The following ANK2 variants were observed in gnomAD, a reference collection of about 807,000 sequenced individuals.
ANK2 encodes the protein ankyrin-2.
ANK2 carries 83 observed loss-of-function variants against 360.5 expected under a neutral mutation model. The ratio of observed to expected loss-of-function variants is 0.23; its 90% CI spans 0.19 to 0.28. The LOEUF is 0.28. ANK2 is among the 10% of genes least tolerant of loss of function. The pLI, the probability that ANK2 is intolerant of heterozygous loss-of-function variation, is 1.00. For missense variants in ANK2, 4,201 were observed against 4,795.7 expected (o/e 0.88, Z 3.66); for synonymous variants, 1,740 against 1,759.5 (o/e 0.99, Z 0.28).
intron 2 of ANK2, among the ~76,000 whole-genome samples, chr4:112,913,880 C>G (rs939841228): frequency 1.3e-5 from 2 of 152,158 alleles, no homozygotes; most frequent in African/African-American, 4.8e-5. Flanking sequence ...TATTTTTTCT[C>G]TATATATTTT....
At chr4:112,705,960 G>A in the ANK2 span, among the ~76,000 whole-genome samples, 2 of 151,224 alleles carry the variant, frequency 1.3e-5, no homozygotes, top group Non-Finnish European at 3.0e-5. Flanking sequence ...GAGGGACTTC[G>A]GCTGGGCGAG....
Position 113,258,411 on chromosome 4 carries a change from T to G in ANK2, c.1386T>G (p.Ile462Met), listed in dbSNP as rs956938799. 1 of 1,612,632 alleles carries G rather than the reference T, an allele frequency of 6.2e-7. No homozygotes were observed. Among genetic ancestry groups the G allele is most frequent in the Admixed American group, 1.7e-5 (1 of 60,006 alleles). The change falls in exon 13 of 46, where the codon ATT becomes ATG. Residue 462 changes from isoleucine to methionine, a missense_variant and splice_region_variant. Ile to Met is a conservative substitution (Grantham distance 10). Coordinates refer to ENST00000357077, the MANE Select transcript of ANK2 (RefSeq NM_001148.6). Reference protein sequence around the residue: ...QNGASPDVTNIRGETALHMAA... With the variant: ...QNGASPDVTNMRGETALHMAA... ...GAGCCTCTCCAGATGTCACTAACAT[T>G]GTGAGTATGGCTTGGGTCAGAATAA...
the ANK2 span, among the ~76,000 whole-genome samples, chr4:112,764,764 A>G: frequency 6.7e-6 from 1 of 148,910 alleles, no homozygotes. Context: ...CTGGAGTGCA[A>G]TGGTACGATC....
chr4:113,336,315 C>G, intron 30 of ANK2: 1 of 568,328 alleles, frequency 1.8e-6, no homozygotes, highest in East Asian at 3.0e-5. Flanking sequence ...AAGAAATTAG[C>G]TTTTAAATGA....
At chr4:112,771,474 A>G in the ANK2 span, among the ~76,000 whole-genome samples, 1 of 152,210 alleles carries the variant, frequency 6.6e-6, no homozygotes, top group Non-Finnish European at 1.5e-5. Context: ...AATGAAGACC[A>G]AAAGAAATAA....
chr4:113,363,344 C>G lies in ANK2; in HGVS notation c.10763C>G (p.Ala3588Gly). ...DHLGFSWTEL[A>G]RELDFTEEQI... ...GTAGTATTTTATCTTCTAGAATTAG[C>G]AAGAGAACTGGATTTCACTGAGGAG... Residue 3588 changes from alanine (A) to glycine (G), a missense_variant, in exon 40 of 46, where the codon GCA becomes GGA. Physicochemically the swap from Ala to Gly is moderately conservative, Grantham distance 60. Transcript: ENST00000357077. The G allele has an allele frequency of 1.2e-6, 2 of 1,612,970 alleles. No individual in the cohort carries two copies. Among genetic ancestry groups the G allele is most frequent in the Non-Finnish European group, 1.7e-6 (2 of 1,179,378 alleles).
intron 1 of ANK2, among the ~76,000 whole-genome samples, chr4:113,129,974 T>G (rs967657651): frequency 1.3e-5 from 2 of 152,192 alleles, no homozygotes; most frequent in African/African-American, 4.8e-5. Context: ...TAACTTTATT[T>G]AGTTTGAATT....
intron 26 of ANK2, among the ~76,000 whole-genome samples, chr4:113,326,039 T>C (rs2089637357): frequency 6.6e-6 from 1 of 152,222 alleles, no homozygotes; most frequent in Non-Finnish European, 1.5e-5. Context: ...AAAATCACAT[T>C]GATTCAGTCA....
intron 13 of ANK2, among the ~76,000 whole-genome samples, chr4:113,259,716 G>A (rs546086399): frequency 1.7e-4 from 25 of 150,592 alleles, no homozygotes; most frequent in Non-Finnish European, 2.7e-4. Context: ...ATTTCACAAT[G>A]TGCCAACATA....
intron 26 of ANK2, among the ~76,000 whole-genome samples, chr4:113,326,962 C>T (rs1240651007): frequency 6.6e-6 from 1 of 152,142 alleles, no homozygotes; most frequent in Non-Finnish European, 1.5e-5. Flanking sequence ...TATGATAGCA[C>T]CACTACACTC....
intron 2 of ANK2, among the ~76,000 whole-genome samples, chr4:112,992,772 A>C (rs966138968): frequency 6.6e-6 from 1 of 152,158 alleles, no homozygotes; most frequent in Admixed American, 6.5e-5. Flanking sequence ...TCCATCTCCA[A>C]ATACCATCAC....
chr4:113,057,322 A>G lies in ANK2; in HGVS notation c.84+7510A>G, dbSNP rs145654451. On this transcript the variant is annotated intron_variant, in intron 1 of 45. Transcript: ENST00000357077. Reference sequence around the variant, plus strand: ...TAATTTTGTTAGAAGAGTAAACCCTATGAGTGGGTGAACAGTAGTACAGAG... The same window carrying G: ...TAATTTTGTTAGAAGAGTAAACCCTGTGAGTGGGTGAACAGTAGTACAGAG... 1.5e-4 allele frequency among the ~76,000 whole-genome samples: 23 copies of G among 152,318 alleles called. No individual in the cohort carries two copies. The East Asian group carries it at 2.5e-3, about 17-fold the overall frequency.
intron 35 of ANK2, chr4:113,348,000 C>T (rs2095057820): frequency 2.2e-6 from 1 of 457,726 alleles, no homozygotes; most frequent in Non-Finnish European, 4.0e-6. Context: ...TAAGGTCAAA[C>T]TTTGAGACTG....
chr4:113,240,170 G>C (rs1038487739), intron 7 of ANK2, among the ~76,000 whole-genome samples: 4 of 151,848 alleles, frequency 2.6e-5, no homozygotes, highest in African/African-American at 9.7e-5. Flanking sequence ...AACATATTCT[G>C]GTTTTCTTCA....
the ANK2 span, among the ~76,000 whole-genome samples, chr4:112,786,327 C>G: frequency 6.7e-6 from 1 of 149,238 alleles, no homozygotes; most frequent in Non-Finnish European, 1.5e-5. Context: ...AGATCTCCAT[C>G]ATTTTGTGTG....
chr4:113,335,619 A>G (rs1023337367), intron 29 of ANK2, among the ~76,000 whole-genome samples: 4 of 152,226 alleles, frequency 2.6e-5, no homozygotes, highest in African/African-American at 9.6e-5. Context: ...GTCACTGAGA[A>G]GAAAGGAAAC....
intron 2 of ANK2, among the ~76,000 whole-genome samples, chr4:112,978,723 G>GT (rs2154270052): frequency 6.6e-6 from 1 of 152,242 alleles, no homozygotes; most frequent in Non-Finnish European, 1.5e-5. Context: ...TTACCTCTCA[G>GT]TGGGCATTTG....
At chr4:113,283,601 A>G (rs1004293968) in intron 18 of ANK2, among the ~76,000 whole-genome samples, 1 of 152,338 alleles carries the variant, frequency 6.6e-6, no homozygotes, top group African/African-American at 2.4e-5. Context: ...TTTTACAAGT[A>G]TATGTCTTTT....
chr4:112,804,564 A>G, the ANK2 span, among the ~76,000 whole-genome samples: 60 of 152,254 alleles, frequency 3.9e-4, no homozygotes, highest in Non-Finnish European at 7.5e-4. Context: ...AGCTTGTTAT[A>G]GAATGCCAGA....
Sources: allele counts gnomAD v4.1 joint callset (sites outside exome capture counted in the v4.1 genomes callset), GRCh38; gene constraint gnomAD v4.1.1; transcripts MANE v1.5; gene names NCBI Gene and HGNC (gene_info 2026-07-23, HGNC 2026-07-21).